HIVEP1: variants seen among roughly 807,000 people sequenced by gnomAD.
HIVEP1 encodes the protein HIVEP zinc finger 1.
A neutral mutation model predicts 180.0 loss-of-function variants in HIVEP1; 36 were observed. That is an observed-to-expected ratio of 0.20 (90% CI 0.15 to 0.26). The LOEUF (loss-of-function observed/expected upper bound fraction) is 0.26. HIVEP1 is among the 10% of genes least tolerant of loss of function. The pLI is 1.00. For synonymous variants in HIVEP1, 1,239 were observed against 1,239.0 expected, an observed-to-expected ratio of 1.00 and a Z score of 0.00; for missense variants, 3,143 against 3,268.7, an observed-to-expected ratio of 0.96 and a Z score of 0.94.
chr6:12,167,914 T>C (rs546627421), downstream of HIVEP1, among the ~76,000 whole-genome samples: 10 of 139,950 alleles, frequency 7.1e-5, no homozygotes, highest in South Asian at 2.2e-3. Context: ...TATACACATG[T>C]ACATGTATAT....
At chr6:12,058,335 A>G (rs2113743152) in intron 2 of HIVEP1, among the ~76,000 whole-genome samples, 1 of 152,298 alleles carries the variant, frequency 6.6e-6, no homozygotes, top group South Asian at 2.1e-4. Flanking sequence ...ATGTGTTTAG[A>G]GAAATAGAAA....
At chr6:12,208,236 C>G in the HIVEP1 span, among the ~76,000 whole-genome samples, 2 of 152,132 alleles carry the variant, frequency 1.3e-5, no homozygotes, top group African/African-American at 4.8e-5. Flanking sequence ...ACACCTCACC[C>G]TTTTTGAGCA....
the HIVEP1 span, among the ~76,000 whole-genome samples, chr6:12,195,498 A>G: frequency 1.3e-5 from 2 of 152,234 alleles, no homozygotes; most frequent in Non-Finnish European, 2.9e-5. Context: ...ACAATCTTCC[A>G]ATATGCCAGG....
At chr6:12,155,632 A>G (rs1759993970) in intron 7 of HIVEP1, among the ~76,000 whole-genome samples, 1 of 152,168 alleles carries the variant, frequency 6.6e-6, no homozygotes, top group Admixed American at 6.5e-5. Flanking sequence ...GTGTACATGC[A>G]CCACGTTTTC....
intron 2 of HIVEP1, among the ~76,000 whole-genome samples, chr6:12,046,671 C>CGG (rs1191563639): frequency 2.6e-5 from 4 of 151,654 alleles, no homozygotes; most frequent in Non-Finnish European, 5.9e-5. Flanking sequence ...CCCAGCTACT[C>CGG]GGAAGGCTGA....
chr6:12,143,143 A>G (rs1759153193), intron 7 of HIVEP1, among the ~76,000 whole-genome samples: 1 of 152,258 alleles, frequency 6.6e-6, no homozygotes. Flanking sequence ...TCAATAAAAT[A>G]CTGGCAAACC....
downstream of HIVEP1, among the ~76,000 whole-genome samples, chr6:12,165,932 G>A (rs962649826): frequency 6.6e-6 from 1 of 152,214 alleles, no homozygotes; most frequent in Non-Finnish European, 1.5e-5. Context: ...TCTCCAAGGT[G>A]TGCTGCAGTC....
At chr6:12,090,734 C>CTTTTTTTTTTTTTT (rs1561929824) in intron 3 of HIVEP1, among the ~76,000 whole-genome samples, 1 of 103,104 alleles carries the variant, frequency 9.7e-6, no homozygotes, top group African/African-American at 3.4e-5. Flanking sequence ...CTATAGCCAG[C>CTTTTTTTTTTTTTT]CTTTTTTTTT....
intron 2 of HIVEP1, among the ~76,000 whole-genome samples, chr6:12,020,885 T>C (rs1163910217): frequency 2.8e-5 from 3 of 106,634 alleles, no homozygotes; most frequent in African/African-American, 8.0e-5. Context: ...TTTCTTTCTT[T>C]CTTTCTTTTT....
the HIVEP1 span, among the ~76,000 whole-genome samples, chr6:12,205,315 C>CA: frequency 2.6e-5 from 4 of 152,004 alleles, no homozygotes; most frequent in African/African-American, 4.8e-5. Context: ...ACTAAAAATA[C>CA]AAAAAATTAG....
chr6:12,123,386 A>C lies in HIVEP1; in HGVS notation c.3591A>C (p.Ala1197=), dbSNP rs750913547. 6.2e-7 allele frequency: 1 copy of C among 1,614,192 alleles called. No homozygotes were observed. The highest frequency in any genetic ancestry group is 8.5e-7 in the Non-Finnish European group (1 of 1,180,032). The change falls in exon 4 of 9, where the codon GCA becomes GCC. Residue 1197 remains alanine, a synonymous_variant. Coordinates refer to ENST00000379388, the MANE Select transcript of HIVEP1 (RefSeq NM_002114.4). The part of the protein sequence containing the change: ...SRDGSHPHQL[A]LSDALRGELQ... ...ACGGGTCTCATCCTCACCAGCTTGC[A>C]CTATCAGACGCTCTCAGAGGAGAAC...
intron 7 of HIVEP1, among the ~76,000 whole-genome samples, chr6:12,149,187 C>T (rs1759542387): frequency 1.3e-5 from 2 of 152,150 alleles, no homozygotes; most frequent in Admixed American, 1.3e-4. Flanking sequence ...ATACTTGATA[C>T]TAATAGGATA....
chr6:12,125,958 TATTTTA>T (rs1320545469), intron 4 of HIVEP1, 88 bp downstream of exon 4: 29 of 763,368 alleles, frequency 3.8e-5, no homozygotes, highest in South Asian at 1.6e-4. Context: ...TAACTGGAAA[TATTTTA>T]ATTTTGAGTG....
intron 4 of HIVEP1, among the ~76,000 whole-genome samples, chr6:12,126,409 G>A (rs1299750397): frequency 6.6e-6 from 1 of 152,190 alleles, no homozygotes; most frequent in Admixed American, 6.5e-5. Flanking sequence ...TAGCACTAGA[G>A]AGAAGTTTCA....
At chr6:12,195,617 G>T in the HIVEP1 span, among the ~76,000 whole-genome samples, 5 of 152,168 alleles carry the variant, frequency 3.3e-5, no homozygotes, top group Non-Finnish European at 7.3e-5. Context: ...TAAGTAACTT[G>T]CCTGGGAGTG....
intron 7 of HIVEP1, among the ~76,000 whole-genome samples, chr6:12,154,063 A>T (rs1011862444): frequency 2.0e-5 from 3 of 152,202 alleles, no homozygotes; most frequent in African/African-American, 7.2e-5. Flanking sequence ...CAAGAGAATC[A>T]GTTGAAGCTG....
At chr6:12,134,939 A>G (rs1460065513) in intron 6 of HIVEP1, among the ~76,000 whole-genome samples, 2 of 152,234 alleles carry the variant, frequency 1.3e-5, no homozygotes, top group Non-Finnish European at 2.9e-5. Context: ...AATTACAATG[A>G]CCCAAAATAG....
At chr6:12,119,654 G>A (rs1775436924) in intron 3 of HIVEP1, among the ~76,000 whole-genome samples, 1 of 152,206 alleles carries the variant, frequency 6.6e-6, no homozygotes, top group South Asian at 2.1e-4. Flanking sequence ...AGGAACATAA[G>A]CATTCTAGAA....
At chr6:12,209,583 C>T in the HIVEP1 span, among the ~76,000 whole-genome samples, 7 of 152,254 alleles carry the variant, frequency 4.6e-5, no homozygotes, top group South Asian at 8.3e-4. Flanking sequence ...ATATGCCCCA[C>T]AGTAGGGATA....
Sources: allele counts gnomAD v4.1 joint callset (sites outside exome capture counted in the v4.1 genomes callset), GRCh38; gene constraint gnomAD v4.1.1; transcripts MANE v1.5; gene names NCBI Gene and HGNC (gene_info 2026-07-23, HGNC 2026-07-21).